Variants in PPM1H observed in about 807,000 individuals in gnomAD.
PPM1H encodes protein phosphatase, Mg2+/Mn2+ dependent 1H.
PPM1H carries 27 observed loss-of-function variants against 54.9 expected under a neutral mutation model. The ratio of observed to expected loss-of-function variants is 0.49; its 90% CI spans 0.36 to 0.68. The LOEUF (loss-of-function observed/expected upper bound fraction) is 0.68. Ranked by LOEUF, PPM1H falls within the 30% of genes least tolerant of loss-of-function variation. PPM1H has a pLI of 0.00. For missense variants in PPM1H, 596 were observed against 667.8 expected (o/e 0.89, Z 1.19); for synonymous variants, 305 against 270.8 (o/e 1.13, Z -1.24).
intron 6 of PPM1H, among the ~76,000 whole-genome samples, chr12:62,700,689 GGAT>G (rs1291408750): frequency 2.6e-5 from 4 of 152,166 alleles, no homozygotes; most frequent in African/African-American, 4.8e-5. Context: ...GATGGTGCTA[GGAT>G]GATGTCACCA....
intron 1 of PPM1H, among the ~76,000 whole-genome samples, chr12:62,868,382 C>T (rs1234563115): frequency 6.6e-6 from 1 of 152,178 alleles, no homozygotes; most frequent in Non-Finnish European, 1.5e-5. Context: ...AAAGCCTTCC[C>T]TGCCTCGGCG....
intron 2 of PPM1H, among the ~76,000 whole-genome samples, chr12:62,820,628 G>A (rs1264169002): frequency 2.0e-5 from 3 of 152,178 alleles, no homozygotes; most frequent in Non-Finnish European, 4.4e-5. Flanking sequence ...AAGCAAATAG[G>A]GTCTGGAGTG....
intron 4 of PPM1H, among the ~76,000 whole-genome samples, chr12:62,784,809 A>G (rs1478040067): frequency 6.6e-6 from 1 of 152,260 alleles, no homozygotes; most frequent in Non-Finnish European, 1.5e-5. Flanking sequence ...CTAGAAGATG[A>G]TATCAGTATC....
chr12:62,852,730 T>A (rs1869242496), intron 1 of PPM1H, among the ~76,000 whole-genome samples: 1 of 152,178 alleles, frequency 6.6e-6, no homozygotes, highest in Non-Finnish European at 1.5e-5. Flanking sequence ...CTTGCTAATT[T>A]CATGGAGATA....
chr12:62,756,079 AT>A, intron 4 of PPM1H: 1 of 1,077,268 alleles, frequency 9.3e-7, no homozygotes. Flanking sequence ...GTCTCCTCTG[AT>A]TTTAACAGCG....
At chr12:62,730,848 A>G (rs2076317146) in intron 5 of PPM1H, among the ~76,000 whole-genome samples, 1 of 152,240 alleles carries the variant, frequency 6.6e-6, no homozygotes, top group African/African-American at 2.4e-5. Flanking sequence ...TCACGCTAAC[A>G]GTCAAATGAG....
At chr12:62,896,302 G>C (rs1870985286) in intron 1 of PPM1H, among the ~76,000 whole-genome samples, 1 of 152,172 alleles carries the variant, frequency 6.6e-6, no homozygotes. Flanking sequence ...TACCATCAGA[G>C]TGAACAGGCA....
At chr12:62,786,971 T>C (rs1164607659) in intron 4 of PPM1H, among the ~76,000 whole-genome samples, 1 of 152,208 alleles carries the variant, frequency 6.6e-6, no homozygotes, top group Non-Finnish European at 1.5e-5. Context: ...ATATATACTT[T>C]TGAAAGCAAC....
chr12:62,683,582 C>G (rs2076035277), intron 8 of PPM1H, among the ~76,000 whole-genome samples: 1 of 152,094 alleles, frequency 6.6e-6, no homozygotes, highest in Non-Finnish European at 1.5e-5. Flanking sequence ...AATAAGTGAT[C>G]TGGAGTTATA....
At chr12:62,890,609 A>G (rs1038410669) in intron 1 of PPM1H, among the ~76,000 whole-genome samples, 1 of 152,116 alleles carries the variant, frequency 6.6e-6, no homozygotes, top group African/African-American at 2.4e-5. Flanking sequence ...GTAAACAGCT[A>G]TTAGCAACTG....
intron 1 of PPM1H, among the ~76,000 whole-genome samples, chr12:62,835,737 A>G (rs1868484704): frequency 6.6e-6 from 1 of 152,144 alleles, no homozygotes; most frequent in African/African-American, 2.4e-5. Context: ...GTTTAAAAAA[A>G]AAATGCCACA....
intron 1 of PPM1H, among the ~76,000 whole-genome samples, chr12:62,838,336 T>TGGG (rs1402157440): frequency 9.7e-5 from 10 of 103,102 alleles, no homozygotes; most frequent in African/African-American, 1.9e-4. Context: ...TGTGTGTGTG[T>TGGG]GTGGGGGGGG....
chr12:62,917,526 A>T (rs1338792728), intron 1 of PPM1H, among the ~76,000 whole-genome samples: 1 of 152,222 alleles, frequency 6.6e-6, no homozygotes, highest in Non-Finnish European at 1.5e-5. Flanking sequence ...TCCAAAGTGG[A>T]AGGAAAAGCT....
chr12:62,896,693 G>T (rs1007013428), intron 1 of PPM1H, among the ~76,000 whole-genome samples: 5 of 152,162 alleles, frequency 3.3e-5, no homozygotes, highest in African/African-American at 1.2e-4. Flanking sequence ...ACAGTGTGGC[G>T]ATTCCTCAAG....
intron 9 of PPM1H, among the ~76,000 whole-genome samples, chr12:62,661,743 G>C (rs1204312872): frequency 6.6e-6 from 1 of 152,012 alleles, no homozygotes; most frequent in Non-Finnish European, 1.5e-5. Flanking sequence ...TTTTAGAGAG[G>C]AAGTCTTGCT....
At chr12:62,739,311 T>A (rs549078409) in intron 4 of PPM1H, among the ~76,000 whole-genome samples, 1 of 152,126 alleles carries the variant, frequency 6.6e-6, no homozygotes, top group South Asian at 2.1e-4. Context: ...TTAATTCCAA[T>A]GGTCTTTGTT....
chr12:62,929,061 T>C (rs922992711), intron 1 of PPM1H, among the ~76,000 whole-genome samples: 33 of 152,214 alleles, frequency 2.2e-4, no homozygotes, highest in African/African-American at 7.7e-4. Context: ...CTCCAAATAC[T>C]GAGATTTAAA....
intron 4 of PPM1H, among the ~76,000 whole-genome samples, chr12:62,771,018 A>C (rs1401261150): frequency 6.6e-6 from 1 of 150,382 alleles, no homozygotes; most frequent in Non-Finnish European, 1.5e-5. Context: ...TTGACTTCAC[A>C]GCTAAGTCTT....
At chr12:62,686,051 T>C (rs2076049507) in intron 8 of PPM1H, among the ~76,000 whole-genome samples, 1 of 152,210 alleles carries the variant, frequency 6.6e-6, no homozygotes, top group Non-Finnish European at 1.5e-5. Context: ...TCATTCTAAA[T>C]CCTCTCCACT....
Sources: gnomAD v4.1 joint callset for allele counts (sites outside exome capture counted in the v4.1 genomes callset) on GRCh38, gnomAD v4.1.1 for gene constraint, MANE v1.5 for transcripts, NCBI Gene and HGNC (gene_info 2026-07-23, HGNC 2026-07-21) for gene names.